The following CLSTN2 variants were observed in gnomAD, a reference collection of about 807,000 sequenced individuals.
CLSTN2 encodes calsyntenin-2.
A neutral mutation model predicts 101.2 loss-of-function variants in CLSTN2; 48 were observed. The observed-to-expected ratio is 0.47, with a 90% CI of 0.38 to 0.60. The LOEUF (loss-of-function observed/expected upper bound fraction) is 0.60, where lower values mean the gene tolerates loss of function less well. Among genes scored for constraint, CLSTN2 ranks in the 20% least tolerant of loss-of-function variants. The pLI is 0.00. For missense variants in CLSTN2, 1,160 were observed against 1,238.2 expected, an observed-to-expected ratio of 0.94 and a Z score of 0.95; for synonymous variants, 481 against 463.6, an observed-to-expected ratio of 1.04 and a Z score of -0.48.
chr3:140,108,067 G>A (rs1274607566), intron 1 of CLSTN2, among the ~76,000 whole-genome samples: 1 of 152,122 alleles, frequency 6.6e-6, no homozygotes, highest in African/African-American at 2.4e-5. Context: ...TTGTGTTCTA[G>A]GAATGACGTG....
At chr3:139,993,987 C>T (rs928973233) in intron 1 of CLSTN2, among the ~76,000 whole-genome samples, 2 of 152,166 alleles carry the variant, frequency 1.3e-5, no homozygotes, top group Admixed American at 1.3e-4. Context: ...CCGTGGCTTG[C>T]TGTTGCCTAA....
intron 1 of CLSTN2, among the ~76,000 whole-genome samples, chr3:140,042,017 A>G (rs977359418): frequency 6.6e-6 from 1 of 152,210 alleles, no homozygotes; most frequent in Admixed American, 6.5e-5. Context: ...CTTTCTTGAC[A>G]TAGAATTTAT....
intron 1 of CLSTN2, among the ~76,000 whole-genome samples, chr3:140,100,537 CTCT>C (rs1258274962): frequency 2.0e-5 from 3 of 152,220 alleles, no homozygotes; most frequent in Non-Finnish European, 2.9e-5. Context: ...CCCTTAAGTT[CTCT>C]TCAAAACATG....
intron 8 of CLSTN2, among the ~76,000 whole-genome samples, chr3:140,527,340 T>C (rs1359733058): frequency 6.6e-6 from 1 of 152,136 alleles, no homozygotes; most frequent in African/African-American, 2.4e-5. Context: ...CCCAACATCA[T>C]TAATCATCAG....
intron 1 of CLSTN2, among the ~76,000 whole-genome samples, chr3:140,162,017 T>A (rs1284304328): frequency 6.6e-6 from 1 of 152,206 alleles, no homozygotes; most frequent in Non-Finnish European, 1.5e-5. Flanking sequence ...GACAAGAATT[T>A]TAAAAAACAG....
chr3:140,018,557 G>C (rs935278216), intron 1 of CLSTN2, among the ~76,000 whole-genome samples: 5 of 152,192 alleles, frequency 3.3e-5, no homozygotes. Flanking sequence ...TTGTGCTTTG[G>C]TGGCTCTCTG....
intron 2 of CLSTN2, among the ~76,000 whole-genome samples, chr3:140,292,814 C>G (rs2086967942): frequency 6.6e-6 from 1 of 152,186 alleles, no homozygotes; most frequent in African/African-American, 2.4e-5. Flanking sequence ...CTTTAAAAAT[C>G]ACAAGGAACT....
intron 2 of CLSTN2, among the ~76,000 whole-genome samples, chr3:140,264,874 A>G (rs1039868522): frequency 6.6e-6 from 1 of 152,080 alleles, no homozygotes; most frequent in African/African-American, 2.4e-5. Context: ...CTTCCAACAC[A>G]TTTATTGAGT....
At chr3:140,152,357 C>T (rs1056756099) in intron 1 of CLSTN2, among the ~76,000 whole-genome samples, 2 of 152,202 alleles carry the variant, frequency 1.3e-5, no homozygotes, top group East Asian at 1.9e-4. Flanking sequence ...TCTTCAATCC[C>T]TCTCAGTTCA....
At chr3:140,326,818 G>A (rs752292154) in intron 2 of CLSTN2, among the ~76,000 whole-genome samples, 6 of 152,016 alleles carry the variant, frequency 3.9e-5, no homozygotes, top group South Asian at 2.1e-4. Context: ...TGTGTAATTC[G>A]GTGTGACATT....
chr3:140,209,069 A>G (rs1314508320), intron 2 of CLSTN2, among the ~76,000 whole-genome samples: 1 of 152,166 alleles, frequency 6.6e-6, no homozygotes, highest in African/African-American at 2.4e-5. Flanking sequence ...AGAACAATTT[A>G]TTTATGGAAA....
chr3:140,069,222 T>C (rs953925983), intron 1 of CLSTN2, among the ~76,000 whole-genome samples: 1 of 152,200 alleles, frequency 6.6e-6, no homozygotes, highest in African/African-American at 2.4e-5. Flanking sequence ...TAACCCTCCC[T>C]CTCTGTATAT....
intron 1 of CLSTN2, among the ~76,000 whole-genome samples, chr3:139,968,931 C>G (rs896515187): frequency 6.6e-6 from 1 of 152,104 alleles, no homozygotes; most frequent in Non-Finnish European, 1.5e-5. Context: ...TAAAAGACAT[C>G]ATTATTAACA....
At chr3:139,936,295 G>A (rs1246959605) in intron 1 of CLSTN2, among the ~76,000 whole-genome samples, 8 of 152,172 alleles carry the variant, frequency 5.3e-5, no homozygotes, top group African/African-American at 1.9e-4. Flanking sequence ...GTGGGGGGCC[G>A]GGTCTGAAAC....
At chr3:140,083,623 C>T (rs150171265) in intron 1 of CLSTN2, among the ~76,000 whole-genome samples, 10 of 152,336 alleles carry the variant, frequency 6.6e-5, no homozygotes, top group Admixed American at 1.3e-4. Flanking sequence ...CACATTCTTA[C>T]GTGTCTGCAC....
Position 140,031,050 on chromosome 3 carries a change from G to T in CLSTN2, c.109+95567G>T, listed in dbSNP as rs1349347725. 2.0e-5 allele frequency among the ~76,000 whole-genome samples: 3 copies of T among 152,322 alleles called. No individual in the cohort carries two copies. The East Asian group carries it at 5.8e-4, about 29-fold the overall frequency. On this transcript the variant is annotated intron_variant, in intron 1 of 16. Coordinates refer to ENST00000458420, the MANE Select transcript of CLSTN2 (RefSeq NM_022131.3). The stretch of plus-strand genomic sequence containing the variant: ...ATTCCTCTTGGGAAATCTTGACAAA[G>T]CCATGGCCAAAGGCTAGGATGCCCT...
At position 139,935,313 on chromosome 3, in the gene CLSTN2, G is replaced by A. The variant is rs1218105000; in HGVS notation, c.-62G>A. On this transcript the variant is annotated 5_prime_UTR_variant, in exon 1 of 17. Transcript: ENST00000458420. This position sits in a 1 kb window ranked among gnomAD's most constrained non-coding sequence, Gnocchi z 5.5. ...GCGGCCCACGGTGCGGCAGGCACCG[G>A]GAGGCGAGAGCCGGCGCGGACAGTA... The A allele has an allele frequency of 5.4e-6, 5 of 921,004 alleles. No individual in the cohort carries two copies. The highest frequency in any genetic ancestry group is 5.7e-6 in the Non-Finnish European group (4 of 707,876). 57.1% of individuals were successfully genotyped at this position (921,004 alleles called of 1,614,324 possible).
At chr3:140,509,655 G>A (rs1417893579) in intron 8 of CLSTN2, among the ~76,000 whole-genome samples, 3 of 152,156 alleles carry the variant, frequency 2.0e-5, no homozygotes, top group Non-Finnish European at 2.9e-5. Context: ...GTGAATGGGG[G>A]GGCCTCATCT....
At chr3:140,458,510 C>A (rs1026175228) in intron 6 of CLSTN2, among the ~76,000 whole-genome samples, 2 of 152,036 alleles carry the variant, frequency 1.3e-5, no homozygotes, top group Admixed American at 6.6e-5. Flanking sequence ...GGAGAGTCAG[C>A]GGAGGCCCCA....
Sources: allele counts gnomAD v4.1 joint callset (sites outside exome capture counted in the v4.1 genomes callset), GRCh38; gene constraint gnomAD v4.1.1; non-coding constraint Gnocchi (gnomAD v3.1); transcripts MANE v1.5; gene names NCBI Gene and HGNC (gene_info 2026-07-23, HGNC 2026-07-21).